Variants in CEPT1 observed in about 807,000 individuals in gnomAD.
The protein encoded by CEPT1 is choline/ethanolamine phosphotransferase 1, also known as choline/ethanolaminephosphotransferase 1.
Under a neutral mutation model 42.6 loss-of-function variants are expected in CEPT1, and 7 were observed. The ratio of observed to expected loss-of-function variants is 0.16; its 90% CI spans 0.09 to 0.31. CEPT1 has a LOEUF of 0.31. Ranked by LOEUF, CEPT1 falls within the 10% of genes least tolerant of loss-of-function variation. The probability of loss-of-function intolerance (pLI) is 1.00; values close to 1 mark genes in which losing one functional copy is unlikely to be tolerated. For missense variants in CEPT1, 306 were observed against 502.1 expected, an observed-to-expected ratio of 0.61 and a Z score of 3.73; for synonymous variants, 171 against 171.9, an observed-to-expected ratio of 0.99 and a Z score of 0.04.
Position 111,182,921 on chromosome 1 carries a change from T to G in CEPT1, c.969T>G (p.Phe323Leu), listed in dbSNP as rs766442401. The G allele has an allele frequency of 6.2e-7, 1 of 1,613,620 alleles. No homozygotes were observed. The highest frequency in any genetic ancestry group is 8.5e-7 in the Non-Finnish European group (1 of 1,179,708). The part of the protein sequence containing the change: ...EKHPCLYILT[F>L]GFVSAKITNK... Reference sequence around the variant, plus strand: ...ATCCCTGTCTTTATATACTGACATTTGGTTTTGTGTCTGCTAAAATCACTA... The same window carrying G: ...ATCCCTGTCTTTATATACTGACATTGGGTTTTGTGTCTGCTAAAATCACTA... The change falls in exon 7 of 9, where the codon TTT becomes TTG. Residue 323 changes from phenylalanine to leucine, a missense_variant. This residue lies in a region of CEPT1 where 253 missense variants were observed against 447.3 expected (regional missense o/e 0.57). Transcript: ENST00000357172.
In CEPT1 at chr1:111,159,475, T is replaced by C. The variant is rs758819313; in HGVS notation, c.435T>C (p.Ser145=). Reference sequence around the variant, plus strand: ...GGAAACAGGCAAGAAGAACCAATAGTAGTTCTCCTCTGGGAGAACTTTTTG... The same window carrying C: ...GGAAACAGGCAAGAAGAACCAATAGCAGTTCTCCTCTGGGAGAACTTTTTG... ...IDGKQARRTN[S]SSPLGELFDH... is the part of the protein sequence containing the mutation. Residue 145 remains serine (S), a synonymous_variant, in exon 3 of 9, where the codon AGT becomes AGC. Coordinates refer to ENST00000357172, the MANE Select transcript of CEPT1 (RefSeq NM_006090.5). 2 of 1,612,814 alleles carry C rather than the reference T, an allele frequency of 1.2e-6. No individual in the cohort carries two copies. The highest frequency in any genetic ancestry group is 3.3e-5 in the Admixed American group (2 of 59,740).
chr1:111,169,536 T>G (rs959920439), intron 4 of CEPT1, among the ~76,000 whole-genome samples: 1 of 152,204 alleles, frequency 6.6e-6, no homozygotes, highest in South Asian at 2.1e-4. Context: ...TAAAAACTAA[T>G]GCATTTTAAC....
At chr1:111,180,621 G>T (rs189380796) in intron 5 of CEPT1, 1 of 152,262 alleles carries the variant, frequency 6.6e-6, no homozygotes, top group East Asian at 1.9e-4. Flanking sequence ...CACTGCTACA[G>T]TACAATTTAA....
chr1:111,174,914 T>C lies in CEPT1; in HGVS notation c.665T>C (p.Ile222Thr). The change falls in exon 5 of 9, where the codon ATC (isoleucine) becomes ACC (threonine). Residue 222 changes from isoleucine to threonine, a missense_variant. Physicochemically the swap from Ile to Thr is moderately conservative, Grantham distance 89. Transcript: ENST00000357172. Reference sequence around the variant, plus strand: ...ACTGAAGTGCAAATCTTCATAATAATCATGCATTTGCTGGCAGTGATTGGA... The same window carrying C: ...ACTGAAGTGCAAATCTTCATAATAACCATGCATTTGCTGGCAGTGATTGGA... Reference protein sequence around the residue: ...DVTEVQIFIIIMHLLAVIGGP... With the variant: ...DVTEVQIFIITMHLLAVIGGP... The C allele has an allele frequency of 1.2e-6, 2 of 1,613,142 alleles. No homozygotes were observed. Among genetic ancestry groups the C allele is most frequent in the Non-Finnish European group, 1.7e-6 (2 of 1,179,236 alleles).
rs34173256 is a variant in CEPT1 at position 111,184,847 on chromosome 1, CT to C, written c.*559del. On this transcript the variant is annotated 3_prime_UTR_variant, in exon 9 of 9. Coordinates refer to ENST00000357172, the MANE Select transcript of CEPT1 (RefSeq NM_006090.5). ...CTATCTTTACATTGTTGAGGAAGTC[CT>C]TTTTTTTTTTTTTTTTTTTTTAATT... The C allele has an allele frequency of 3.6e-3, 425 of 116,480 alleles. 3 individuals carry two copies. Among genetic ancestry groups the C allele is most frequent in the East Asian group, 9.2e-3 (38 of 4,112 alleles). 7.2% of individuals were successfully genotyped at this position (116,480 alleles called of 1,614,324 possible). A position where few individuals can be genotyped will look rare whatever the true frequency, so the allele number is the denominator to read the frequency against.
At chr1:111,145,937 A>G (rs753750647) in intron 1 of CEPT1, among the ~76,000 whole-genome samples, 7 of 152,334 alleles carry the variant, frequency 4.6e-5, no homozygotes, top group Middle Eastern at 3.4e-3. Context: ...ACAACTGAGC[A>G]TGTTTTGATA....
chr1:111,158,685 C>T (rs1655702327), intron 2 of CEPT1, among the ~76,000 whole-genome samples: 2 of 152,062 alleles, frequency 1.3e-5, no homozygotes, highest in Admixed American at 1.3e-4. Flanking sequence ...CAGTGTTTCC[C>T]ATATGAGGTT....
intron 1 of CEPT1, chr1:111,143,637 A>G (rs1486350351): frequency 6.6e-6 from 1 of 151,190 alleles, no homozygotes; most frequent in Non-Finnish European, 1.5e-5. Context: ...TCTTTTTGTT[A>G]CTTGTACTGT....
intron 2 of CEPT1, 46 bp downstream of exon 2, chr1:111,148,099 C>G: frequency 6.9e-7 from 1 of 1,450,592 alleles, no homozygotes; most frequent in Non-Finnish European, 9.6e-7. Context: ...ATACCAAAAA[C>G]GTTGTAATTG....
chr1:111,149,840 G>A (rs1420000309), intron 2 of CEPT1, among the ~76,000 whole-genome samples: 1 of 152,184 alleles, frequency 6.6e-6, no homozygotes, highest in Non-Finnish European at 1.5e-5. Context: ...AGTGAGAGCA[G>A]GTTCAAGGAT....
At chr1:111,169,321 A>G (rs72691289) in intron 4 of CEPT1, among the ~76,000 whole-genome samples, 3,083 of 152,204 alleles carry the variant, frequency 0.02, 34 homozygotes, top group Non-Finnish European at 0.032. Context: ...ATAATTTTTG[A>G]TAGCCCCTTT....
In CEPT1 at chr1:111,182,180, A is replaced by G; in HGVS notation, c.715-7A>G. 9 of 1,589,988 alleles carry G rather than the reference A, an allele frequency of 5.7e-6. No homozygotes were observed. Among genetic ancestry groups the G allele is most frequent in the Non-Finnish European group, 7.7e-6 (9 of 1,164,514 alleles). On this transcript the variant is annotated splice_region_variant and splice_polypyrimidine_tract_variant and intron_variant, in intron 5 of 8. Coordinates refer to ENST00000357172, the MANE Select transcript of CEPT1 (RefSeq NM_006090.5). ...TTTTAATTGTTTTCTCTCTCTACCC[A>G]TTAAAGATTCCAGTGCTGAATATTC...
chr1:111,161,637 C>T (rs1464339820), intron 4 of CEPT1, among the ~76,000 whole-genome samples: 1 of 152,072 alleles, frequency 6.6e-6, no homozygotes, highest in East Asian at 1.9e-4. Flanking sequence ...AAATGCATTT[C>T]CAGGAAAAAG....
At chr1:111,145,364 C>G (rs192432106) in intron 1 of CEPT1, among the ~76,000 whole-genome samples, 99 of 152,274 alleles carry the variant, frequency 6.5e-4, no homozygotes, top group Admixed American at 3.0e-3. Context: ...ACTGATGAGT[C>G]TCTTGAGATT....
chr1:111,164,841 T>A (rs1035307770), intron 4 of CEPT1, among the ~76,000 whole-genome samples: 3 of 151,854 alleles, frequency 2.0e-5, no homozygotes, highest in African/African-American at 7.3e-5. Context: ...GCCAGGATGG[T>A]CTCGATCTCC....
At chr1:111,142,073 T>A (rs1274947063) in intron 1 of CEPT1, among the ~76,000 whole-genome samples, 1 of 152,112 alleles carries the variant, frequency 6.6e-6, no homozygotes, top group Admixed American at 6.5e-5. Context: ...TTTAATGTGA[T>A]ACTTGTCAGA....
intron 2 of CEPT1, among the ~76,000 whole-genome samples, chr1:111,152,549 G>A (rs1417652186): frequency 6.6e-6 from 1 of 152,078 alleles, no homozygotes; most frequent in African/African-American, 2.4e-5. Flanking sequence ...TTTAGAAATT[G>A]TTTAAAGTAT....
intron 4 of CEPT1, among the ~76,000 whole-genome samples, chr1:111,165,187 T>C (rs952853586): frequency 3.6e-4 from 54 of 150,804 alleles, no homozygotes; most frequent in African/African-American, 1.2e-3. Flanking sequence ...TAGCTGGGAC[T>C]ACAGGCACCC....
intron 1 of CEPT1, 115 bp from the exon 2 acceptor site, chr1:111,147,527 T>A: frequency 2.1e-6 from 1 of 485,370 alleles, no homozygotes. Context: ...TGTTTGATAC[T>A]TACTACTTTA....
Sources: allele counts gnomAD v4.1 joint callset (sites outside exome capture counted in the v4.1 genomes callset), GRCh38; gene constraint gnomAD v4.1.1; regional missense constraint gnomAD v4.1.1; transcripts MANE v1.5; gene names NCBI Gene and HGNC (gene_info 2026-07-23, HGNC 2026-07-21).